CNNM3: variants seen among roughly 807,000 people sequenced by gnomAD.
CNNM3 encodes the protein metal transporter CNNM3.
A neutral mutation model predicts 57.1 loss-of-function variants in CNNM3; 47 were observed. The observed-to-expected ratio is 0.82, with a 90% CI of 0.65 to 1.05. The LOEUF is 1.05. CNNM3 is among the 50% of genes least tolerant of loss of function. The pLI is 0.00. For missense variants in CNNM3, 957 were observed against 973.7 expected (o/e 0.98, Z 0.23); for synonymous variants, 507 against 478.2 (o/e 1.06, Z -0.79).
intron 1 of CNNM3, among the ~76,000 whole-genome samples, chr2:96,818,793 A>G (rs1353322397): frequency 1.3e-5 from 2 of 152,176 alleles, no homozygotes; most frequent in Non-Finnish European, 2.9e-5. Flanking sequence ...CTGTAGGGTG[A>G]GGGTGGGAGC....
chr2:96,833,079 AC>A lies in CNNM3; in HGVS notation c.*466del. ...AGCACTTTTTGAGCAAGCCGAGAGC[AC>A]CCATTTTGGCTGGGGGTTCAGATCG... On this transcript the variant is annotated 3_prime_UTR_variant, in exon 8 of 8. Coordinates refer to ENST00000305510, the MANE Select transcript of CNNM3 (RefSeq NM_017623.5). The A allele has an allele frequency of 1.6e-6, 2 of 1,219,312 alleles. No individual in the cohort carries two copies. The highest frequency in any genetic ancestry group is 2.2e-6 in the Non-Finnish European group (2 of 925,938). The allele number at this position is 1,219,312 out of a possible 1,614,324, so 75.5% of individuals were successfully genotyped here. A position where few individuals can be genotyped will look rare whatever the true frequency, so the allele number is the denominator to read the frequency against.
In CNNM3 at chr2:96,816,546, C is replaced by A. The variant is rs768599209; in HGVS notation, c.269C>A (p.Ala90Glu). The stretch of plus-strand genomic sequence containing the variant: ...GAGGGGGCGGGCTGCCGGGAGGAGG[C>A]GGCCTCCCCCGCGGGCGAGTGGCGC... ...APEGAGCREE[A>E]ASPAGEWRAL... Residue 90 changes from alanine (A) to glutamate (E), a missense_variant, in exon 1 of 8, where the codon GCG becomes GAG. Around this residue, in one of 2 missense-constraint regions of CNNM3, gnomAD observed 466 missense variants for 403.1 expected, o/e 1.16. Coordinates refer to ENST00000305510, the MANE Select transcript of CNNM3 (RefSeq NM_017623.5). 2.3e-6 allele frequency: 3 copies of A among 1,328,724 alleles called. No homozygotes were observed. In the African/African-American group the frequency reaches 4.6e-5, roughly 20 times the overall value. The allele number at this position is 1,328,724 out of a possible 1,614,324, so 82.3% of individuals were successfully genotyped here.
chr2:96,831,177 T>G (rs1559015387), intron 7 of CNNM3, among the ~76,000 whole-genome samples: 1 of 152,178 alleles, frequency 6.6e-6, no homozygotes, highest in South Asian at 2.1e-4. Context: ...CTAGACACAA[T>G]GTTGGTTATT....
downstream of CNNM3, among the ~76,000 whole-genome samples, chr2:96,835,978 G>GAT (rs1012063084): frequency 3.0e-4 from 46 of 152,158 alleles, no homozygotes; most frequent in Admixed American, 2.9e-3. Flanking sequence ...CCCATTTTCT[G>GAT]ATTGGATTGT....
intron 7 of CNNM3, among the ~76,000 whole-genome samples, chr2:96,830,683 C>T (rs1169947650): frequency 6.6e-6 from 1 of 152,174 alleles, no homozygotes; most frequent in East Asian, 1.9e-4. Context: ...AAAGAGATCT[C>T]TCTAAGGATG....
At position 96,833,100 on chromosome 2, in the gene CNNM3, A is replaced by G. The variant is rs1469268817; in HGVS notation, c.*484A>G. Reference sequence around the variant, plus strand: ...GAGCACCCATTTTGGCTGGGGGTTCAGATCGATGGCCTTGTCCATGTTGTC... The same window carrying G: ...GAGCACCCATTTTGGCTGGGGGTTCGGATCGATGGCCTTGTCCATGTTGTC... On this transcript the variant is annotated 3_prime_UTR_variant, in exon 8 of 8. Transcript: ENST00000305510. The G allele has an allele frequency of 1.0e-6, 1 of 985,510 alleles. No homozygotes were observed. Among genetic ancestry groups the G allele is most frequent in the Non-Finnish European group, 1.4e-6 (1 of 716,642 alleles). 61.0% of individuals were successfully genotyped at this position (985,510 alleles called of 1,614,324 possible).
intron 1 of CNNM3, among the ~76,000 whole-genome samples, chr2:96,822,449 A>C (rs2079423592): frequency 6.6e-6 from 1 of 152,132 alleles, no homozygotes; most frequent in South Asian, 2.1e-4. Context: ...AGCTGGGGCC[A>C]CAGGTGAACA....
Position 96,826,874 on chromosome 2 carries a change from C to T in CNNM3, c.1411C>T (p.Pro471Ser), listed in dbSNP as rs778514856. 4 of 1,614,076 alleles carry T rather than the reference C, an allele frequency of 2.5e-6. No homozygotes were observed. Among genetic ancestry groups the T allele is most frequent in the African/African-American group, 1.3e-5 (1 of 74,928 alleles). ...GAGGAAGCCTGCTTCTCTGATGGCC[C>T]CTCTGAAGCGGAAGGAGGAGTTCTC... is the stretch of plus-strand genomic sequence containing the variant. ...VKRKPASLMA[P>S]LKRKEEFSLF... is the part of the protein sequence containing the mutation. The change falls in exon 3 of 8, where the codon CCT (proline) becomes TCT (serine). Residue 471 changes from proline to serine, a missense_variant. By Grantham distance (74) the Pro-to-Ser change is moderately conservative. This residue lies in a region of CNNM3 where 491 missense variants were observed against 570.6 expected (regional missense o/e 0.86). Transcript: ENST00000305510.
intron 5 of CNNM3, 109 bp from the exon 6 acceptor site, chr2:96,828,458 A>G: frequency 7.2e-7 from 1 of 1,383,812 alleles, no homozygotes; most frequent in Non-Finnish European, 1.0e-6. Flanking sequence ...TTGCCTCTCC[A>G]GAGTGATTGG....
chr2:96,817,512 C>G lies in CNNM3; in HGVS notation c.1225+10C>G, dbSNP rs375852051. ...GAGGAATTCAAGCGAGGTAACGGCCCGGGCATGGTGCAGGGGACGCCCGTG... is the reference window on the plus strand; with the variant it reads ...GAGGAATTCAAGCGAGGTAACGGCCGGGGCATGGTGCAGGGGACGCCCGTG... On this transcript the variant is annotated intron_variant, in intron 1 of 7. Transcript: ENST00000305510. 138 of 1,605,174 alleles carry G rather than the reference C, an allele frequency of 8.6e-5. 1 individual carries two copies. The highest frequency in any genetic ancestry group is 1.1e-4 in the Non-Finnish European group (134 of 1,174,326).
At position 96,825,450 on chromosome 2, in the gene CNNM3, T is replaced by G. The variant is rs566659462; in HGVS notation, c.1369+249T>G. Among the ~76,000 whole-genome samples the G allele has an allele frequency of 1.4e-4, 22 of 152,278 alleles. No individual in the cohort carries two copies. The East Asian group carries it at 1.7e-3, about 12-fold the overall frequency. On this transcript the variant is annotated intron_variant, in intron 2 of 7. Coordinates refer to ENST00000305510, the MANE Select transcript of CNNM3 (RefSeq NM_017623.5). ...TGCAATCCCAGGGCTCACCTGGGGCTCCATTAGCAGCAGTCCTATTAGTTT... is the reference window on the plus strand; with the variant it reads ...TGCAATCCCAGGGCTCACCTGGGGCGCCATTAGCAGCAGTCCTATTAGTTT...
rs531310422 is a variant in CNNM3 at position 96,820,614 on chromosome 2, C to T, written c.1225+3112C>T. On this transcript the variant is annotated intron_variant, in intron 1 of 7. Coordinates refer to ENST00000305510, the MANE Select transcript of CNNM3 (RefSeq NM_017623.5). ...GGAAGCTAAGGGAAGAGACCACTTT[C>T]CCAGGGAAGGTGAGTGACAGGAGAG... Among the ~76,000 whole-genome samples the T allele has an allele frequency of 2.0e-4, 31 of 152,266 alleles. No homozygotes were observed. The South Asian group carries it at 6.2e-3, about 31-fold the overall frequency.
intron 1 of CNNM3, 77 bp downstream of exon 1, chr2:96,817,579 C>A: frequency 6.9e-7 from 1 of 1,440,674 alleles, no homozygotes; most frequent in Non-Finnish European, 9.6e-7. Context: ...GTTATGGAAG[C>A]CTTCTGGAAA....
Position 96,827,841 on chromosome 2 carries a change from A to G in CNNM3, c.1630A>G (p.Thr544Ala). ...GTTTGACGAGAGCAACCGGCTGGCC[A>G]CACACCACTACCTGTACCAGCGCAG... Reference protein sequence around the residue: ...VRFDESNRLATHHYLYQRSQP... With the variant: ...VRFDESNRLAAHHYLYQRSQP... The change falls in exon 4 of 8, where the codon ACA becomes GCA. Residue 544 changes from threonine (T) to alanine (A), a missense_variant. By Grantham distance (58) the Thr-to-Ala change is moderately conservative (BLOSUM62 0). Coordinates refer to ENST00000305510, the MANE Select transcript of CNNM3 (RefSeq NM_017623.5). 1 of 1,614,174 alleles carries G rather than the reference A, an allele frequency of 6.2e-7. No individual in the cohort carries two copies. The highest frequency in any genetic ancestry group is 1.3e-5 in the African/African-American group (1 of 75,058).
rs138479362 is a variant in CNNM3, at chr2:96,822,387, T to C, written c.1226-2671T>C. Among the ~76,000 whole-genome samples the C allele has an allele frequency of 4.7e-4, 72 of 152,036 alleles. 1 individual carries two copies. In the East Asian group the frequency reaches 0.013, roughly 27 times the overall value. On this transcript the variant is annotated intron_variant, in intron 1 of 7. Transcript: ENST00000305510. ...GCAGTGATGTGATCGTGGCTCACTG[T>C]AGCCTCTACCTCCTGGGCTCAAGTG...
chr2:96,833,594 C>T lies in CNNM3; in HGVS notation c.*978C>T, dbSNP rs1035951786. ...TCTCTAGAACATTTCAAGTCTTTTC[C>T]TTTTTTTCTGTTCCTAGCTATGGGG... On this transcript the variant is annotated 3_prime_UTR_variant, in exon 8 of 8. Coordinates refer to ENST00000305510, the MANE Select transcript of CNNM3 (RefSeq NM_017623.5). 6.6e-6 allele frequency: 1 copy of T among 152,138 alleles called. No individual in the cohort carries two copies. The highest frequency in any genetic ancestry group is 2.4e-5 in the African/African-American group (1 of 41,398). The allele number at this position is 152,138 out of a possible 1,614,324, so 9.4% of individuals were successfully genotyped here.
At position 96,829,013 on chromosome 2, in the gene CNNM3, C is replaced by A; in HGVS notation, c.1938C>A (p.Tyr646Ter). The change falls in exon 7 of 8, where the codon TAC (tyrosine) becomes TAA (stop). Residue 646 changes from tyrosine to a stop codon, truncating the protein, a stop_gained. Transcript: ENST00000305510. LOFTEE classifies it high-confidence loss of function. Reference sequence around the variant, plus strand: ...TCCTCCAGGTTACGCGACTGCAGTACCTCAATGCACTCCTGGCTACCCGAG... The same window carrying A: ...TCCTCCAGGTTACGCGACTGCAGTAACTCAATGCACTCCTGGCTACCCGAG... ...LQLIKVTRLQYLNALLATRAQ... is the reference protein window; with the variant it reads ...LQLIKVTRLQ 6.2e-7 allele frequency: 1 copy of A among 1,614,026 alleles called. No homozygotes were observed. The highest frequency in any genetic ancestry group is 8.5e-7 in the Non-Finnish European group (1 of 1,179,976).
At chr2:96,825,897 A>G (rs2079494078) in intron 2 of CNNM3, among the ~76,000 whole-genome samples, 2 of 152,144 alleles carry the variant, frequency 1.3e-5, no homozygotes, top group Admixed American at 6.5e-5. Flanking sequence ...GGGGGTGGAA[A>G]TAAGTCTTCC....
At chr2:96,825,833 AGAGG>A (rs1344777284) in intron 2 of CNNM3, among the ~76,000 whole-genome samples, 1 of 147,730 alleles carries the variant, frequency 6.8e-6, no homozygotes, top group African/African-American at 2.7e-5. Flanking sequence ...CCTAGGAGGC[AGAGG>A]TTGCAGTGAG....
Sources: gnomAD v4.1 joint callset for allele counts (sites outside exome capture counted in the v4.1 genomes callset) on GRCh38, gnomAD v4.1.1 for gene constraint, gnomAD v4.1.1 regional missense constraint, MANE v1.5 for transcripts, NCBI Gene and HGNC (gene_info 2026-07-23, HGNC 2026-07-21) for gene names.